The following ATP10A variants were observed in gnomAD, a reference collection of about 807,000 sequenced individuals.
ATP10A encodes the protein ATPase phospholipid transporting 10A (putative).
In ATP10A, 111 loss-of-function variants were observed where a neutral mutation model predicts 147.8. The ratio of observed to expected loss-of-function variants is 0.75; its 90% CI spans 0.64 to 0.88. The LOEUF (loss-of-function observed/expected upper bound fraction) is 0.88. Among genes scored for constraint, ATP10A ranks in the 40% least tolerant of loss-of-function variants. The pLI is 0.00. For missense variants in ATP10A, 1,927 were observed against 1,959.0 expected, an observed-to-expected ratio of 0.98 and a Z score of 0.31; for synonymous variants, 875 against 841.6, an observed-to-expected ratio of 1.04 and a Z score of -0.69.
rs75384792 is a variant in ATP10A at position 25,724,296 on chromosome 15, C to T, written c.980-275G>A. Among the ~76,000 whole-genome samples the T allele has an allele frequency of 5.4e-3, 828 of 152,290 alleles. 12 individuals are homozygous for T. Among genetic ancestry groups the T allele is most frequent in the Middle Eastern group, 6.8e-3 (2 of 294 alleles). On this transcript the variant is annotated intron_variant, in intron 5 of 20. Transcript: ENST00000555815. ...ACTTGTCCCAACACAGAGCTACCCG[C>T]GTGTTGGCAGCTGACAGTGTGAGGC...
At chr15:25,675,664 G>A (rs924294738), downstream of ATP10A, among the ~76,000 whole-genome samples, 3 of 152,150 alleles carry the variant, frequency 2.0e-5, no homozygotes, top group African/African-American at 7.2e-5. Context: ...GAAAAACAAG[G>A]TCAGGCGGCG....
intron 3 of ATP10A, among the ~76,000 whole-genome samples, chr15:25,731,447 G>A (rs1479365128): frequency 2.6e-5 from 4 of 152,170 alleles, no homozygotes; most frequent in Non-Finnish European, 5.9e-5. Context: ...ATTTTACATT[G>A]GATGACCAAC....
intron 2 of ATP10A, among the ~76,000 whole-genome samples, chr15:25,743,242 T>C (rs1276828757): frequency 6.6e-6 from 1 of 152,186 alleles, no homozygotes; most frequent in Non-Finnish European, 1.5e-5. Context: ...CCTCTTGCGC[T>C]AATCTGGGGA....
intron 1 of ATP10A, among the ~76,000 whole-genome samples, chr15:25,823,534 A>G (rs1478581424): frequency 6.6e-6 from 1 of 152,178 alleles, no homozygotes; most frequent in Non-Finnish European, 1.5e-5. Flanking sequence ...TCAGATACCC[A>G]CTATGTTGTA....
intron 1 of ATP10A, among the ~76,000 whole-genome samples, chr15:25,797,168 C>T (rs757369781): frequency 1.4e-4 from 21 of 152,292 alleles, no homozygotes; most frequent in East Asian, 7.7e-4. Context: ...TACTCTGCTT[C>T]TATGAATTCA....
upstream of ATP10A, chr15:25,863,780 G>C (rs1003736720): frequency 8.5e-5 from 13 of 152,352 alleles, no homozygotes; most frequent in African/African-American, 2.6e-4. Context: ...CTCCTGGGGA[G>C]CCCTGGGAAG....
intron 13 of ATP10A, among the ~76,000 whole-genome samples, chr15:25,696,004 A>ATC (rs1900316750): frequency 6.6e-6 from 1 of 152,120 alleles, no homozygotes; most frequent in Non-Finnish European, 1.5e-5. Context: ...GAAAGGAGGA[A>ATC]AACCTACGGT....
chr15:25,862,358 G>A (rs1304841534), intron 1 of ATP10A: 1 of 612,694 alleles, frequency 1.6e-6, no homozygotes, highest in South Asian at 1.5e-5. Flanking sequence ...GATGTCCAGC[G>A]GCCGTCGGTT....
chr15:25,766,717 C>T (rs1207800735), intron 2 of ATP10A, among the ~76,000 whole-genome samples: 3 of 152,030 alleles, frequency 2.0e-5, no homozygotes, highest in African/African-American at 7.2e-5. Flanking sequence ...GCTTCCATCC[C>T]AGCACCCTGA....
At chr15:25,856,346 G>A (rs900014483) in intron 1 of ATP10A, among the ~76,000 whole-genome samples, 1 of 152,112 alleles carries the variant, frequency 6.6e-6, no homozygotes, top group Non-Finnish European at 1.5e-5. Flanking sequence ...TTGTAAAGAG[G>A]TGCCTTCTGT....
intron 3 of ATP10A, among the ~76,000 whole-genome samples, chr15:25,733,739 C>A (rs1347869166): frequency 1.3e-5 from 2 of 152,198 alleles, no homozygotes; most frequent in African/African-American, 4.8e-5. Context: ...TGTGCCCAGG[C>A]CACAAGGGGG....
At chr15:25,703,735 T>C (rs538106806) in intron 12 of ATP10A, among the ~76,000 whole-genome samples, 1 of 152,326 alleles carries the variant, frequency 6.6e-6, no homozygotes, top group Admixed American at 6.5e-5. Flanking sequence ...TCACCAGCCC[T>C]GAACTTAGGG....
At chr15:25,748,405 A>G (rs1335360523) in intron 2 of ATP10A, among the ~76,000 whole-genome samples, 1 of 138,512 alleles carries the variant, frequency 7.2e-6, no homozygotes, top group Non-Finnish European at 1.7e-5. Context: ...GAAAAATCAT[A>G]TGATCAACTC....
intron 1 of ATP10A, among the ~76,000 whole-genome samples, chr15:25,847,112 A>T (rs189700753): frequency 1.1e-4 from 16 of 152,354 alleles, no homozygotes; most frequent in African/African-American, 3.8e-4. Context: ...TTTTATCAGG[A>T]TAACTATCTG....
chr15:25,783,416 G>A (rs1890016827), intron 1 of ATP10A, among the ~76,000 whole-genome samples: 1 of 152,004 alleles, frequency 6.6e-6, no homozygotes, highest in Non-Finnish European at 1.5e-5. Flanking sequence ...AGTTTGCAGA[G>A]CTAGGAAGCC....
At chr15:25,860,594 A>C (rs531064872) in intron 1 of ATP10A, among the ~76,000 whole-genome samples, 1 of 152,324 alleles carries the variant, frequency 6.6e-6, no homozygotes, top group South Asian at 2.1e-4. Context: ...AAATGCTGAC[A>C]GTTCCTTCAG....
Position 25,726,050 on chromosome 15 carries a change from C to T in ATP10A, c.880G>A (p.Gly294Arg), listed in dbSNP as rs1902523939. 6.2e-7 allele frequency: 1 copy of T among 1,613,938 alleles called. No homozygotes were observed. The highest frequency in any genetic ancestry group is 8.5e-7 in the Non-Finnish European group (1 of 1,179,978). ...AGCTTGCTGCGCTTGTAGCGGGGCC[C>T]ACTGTTGTTCAGCAGAGCCTTGGTT... ...HETKALLNNS[G>R]PRYKRSKLER... The change falls in exon 5 of 21, where the codon GGG (glycine) becomes AGG (arginine). Residue 294 changes from glycine (G) to arginine (R), a missense_variant. By Grantham distance (125) the Gly-to-Arg change is moderately radical. Coordinates refer to ENST00000555815, the MANE Select transcript of ATP10A (RefSeq NM_024490.4).
At chr15:25,677,332 G>C (rs1255965723), downstream of ATP10A, 2 of 152,146 alleles carry the variant, frequency 1.3e-5, no homozygotes. Context: ...CTAAAGAGCA[G>C]CTGTCAATGC....
chr15:25,715,395 G>A (rs2140398911), intron 9 of ATP10A, among the ~76,000 whole-genome samples: 1 of 152,350 alleles, frequency 6.6e-6, no homozygotes, highest in Non-Finnish European at 1.5e-5. Flanking sequence ...TGCAGCCTGA[G>A]TGTGGGTGAT....
Sources: gnomAD v4.1 joint callset for allele counts (sites outside exome capture counted in the v4.1 genomes callset) on GRCh38, gnomAD v4.1.1 for gene constraint, MANE v1.5 for transcripts, NCBI Gene and HGNC (gene_info 2026-07-23, HGNC 2026-07-21) for gene names.